Variants in PTP4A2 observed in about 807,000 individuals in gnomAD.
PTP4A2 encodes protein tyrosine phosphatase type IVA 2.
In PTP4A2, 2 loss-of-function variants were observed where a neutral mutation model predicts 22.9. The ratio of observed to expected loss-of-function variants is 0.09; its 90% CI spans 0.04 to 0.27. PTP4A2 has a LOEUF of 0.27. Ranked by LOEUF, PTP4A2 falls within the 10% of genes least tolerant of loss-of-function variation. PTP4A2 has a pLI of 1.00. For missense variants in PTP4A2, 103 were observed against 205.1 expected, an observed-to-expected ratio of 0.50 and a Z score of 3.04; for synonymous variants, 68 against 69.1, an observed-to-expected ratio of 0.98 and a Z score of 0.08.
intron 1 of PTP4A2, among the ~76,000 whole-genome samples, chr1:31,930,608 G>T (rs1180463690): frequency 6.6e-6 from 1 of 152,150 alleles, no homozygotes; most frequent in African/African-American, 2.4e-5. Flanking sequence ...CCCTATAACT[G>T]GGTAAGTTAC....
At chr1:31,933,297 A>G (rs2124271609) in intron 1 of PTP4A2, 1 of 152,172 alleles carries the variant, frequency 6.6e-6, no homozygotes, top group South Asian at 2.1e-4. Context: ...CTTTTCTAAT[A>G]TTTCACAGAT....
chr1:31,909,074 A>T (rs1651393526), intron 5 of PTP4A2, 114 bp from the exon 6 acceptor site: 2 of 739,848 alleles, frequency 2.7e-6, no homozygotes. Flanking sequence ...GAAAACCAGC[A>T]TATTTCCCAT....
intron 4 of PTP4A2, 177 bp from the exon 5 acceptor site, chr1:31,910,289 T>G (rs1651466143): frequency 1.9e-6 from 1 of 531,492 alleles, no homozygotes; most frequent in Non-Finnish European, 3.4e-6. Flanking sequence ...TCTATGATTT[T>G]TTTTTTTGGC....
chr1:31,920,218 C>G (rs1423615769), intron 1 of PTP4A2, among the ~76,000 whole-genome samples: 1 of 148,040 alleles, frequency 6.8e-6, no homozygotes, highest in Non-Finnish European at 1.5e-5. Flanking sequence ...CTGAGGCGGG[C>G]AGATCACCTG....
intron 1 of PTP4A2, among the ~76,000 whole-genome samples, chr1:31,922,825 C>A (rs574614072): frequency 1.3e-5 from 2 of 152,168 alleles, no homozygotes; most frequent in South Asian, 4.1e-4. Flanking sequence ...TTTCACTATG[C>A]TGCCCAGGCT....
chr1:31,927,778 T>G (rs1024803622), intron 1 of PTP4A2, among the ~76,000 whole-genome samples: 1 of 152,180 alleles, frequency 6.6e-6, no homozygotes, highest in Non-Finnish European at 1.5e-5. Context: ...ACAGAACTTG[T>G]GGAGTCCAAC....
At chr1:31,934,513 A>G (rs568690697) in intron 1 of PTP4A2, among the ~76,000 whole-genome samples, 49 of 152,360 alleles carry the variant, frequency 3.2e-4, no homozygotes, top group Admixed American at 2.5e-3. Context: ...CAACCCCCAC[A>G]TTACAACAAA....
chr1:31,934,515 T>G (rs1652853155), intron 1 of PTP4A2, among the ~76,000 whole-genome samples: 1 of 152,200 alleles, frequency 6.6e-6, no homozygotes. Context: ...ACCCCCACAT[T>G]ACAACAAAAA....
At chr1:31,926,895 T>C (rs1438014690) in intron 1 of PTP4A2, among the ~76,000 whole-genome samples, 1 of 152,118 alleles carries the variant, frequency 6.6e-6, no homozygotes, top group Non-Finnish European at 1.5e-5. Flanking sequence ...TGACTTTTTA[T>C]CCAAGAGCTG....
chr1:31,937,329 C>G (rs578238297), intron 1 of PTP4A2, among the ~76,000 whole-genome samples: 10 of 152,224 alleles, frequency 6.6e-5, no homozygotes, highest in Admixed American at 5.2e-4. Flanking sequence ...ACTTATACCC[C>G]CTTTCCTCAT....
intron 2 of PTP4A2, among the ~76,000 whole-genome samples, chr1:31,917,674 G>A (rs372735334): frequency 2.8e-4 from 42 of 152,194 alleles, no homozygotes; most frequent in African/African-American, 1.0e-3. Context: ...ACCCAAGAAT[G>A]ATTAAAAAGC....
chr1:31,911,676 T>TA lies in PTP4A2; in HGVS notation c.320+19dup, dbSNP rs751751667. 1.4e-5 allele frequency: 22 copies of TA among 1,549,194 alleles called. No homozygotes were observed. The African/African-American group carries it at 2.8e-4, about 20-fold the overall frequency. On this transcript the variant is annotated intron_variant, in intron 4 of 5. Coordinates refer to ENST00000647444, the MANE Select transcript of PTP4A2 (RefSeq NM_080391.4). ...TGGTAATGAATTCAGACAAAAAGGG[T>TA]AATAAAGGTAAGAGTTTACCTTCCC...
intron 3 of PTP4A2, among the ~76,000 whole-genome samples, chr1:31,913,461 C>A (rs1651650754): frequency 6.6e-6 from 1 of 152,100 alleles, no homozygotes; most frequent in Non-Finnish European, 1.5e-5. Flanking sequence ...AATGATAGTT[C>A]TACTTTTAGT....
chr1:31,930,602 A>G (rs1271740144), intron 1 of PTP4A2, among the ~76,000 whole-genome samples: 1 of 152,220 alleles, frequency 6.6e-6, no homozygotes, highest in Non-Finnish European at 1.5e-5. Flanking sequence ...AGTTTCCCCT[A>G]TAACTGGGTA....
At chr1:31,925,520 C>T (rs563768915) in intron 1 of PTP4A2, among the ~76,000 whole-genome samples, 6 of 152,166 alleles carry the variant, frequency 3.9e-5, no homozygotes, top group East Asian at 1.9e-4. Context: ...TTTGGGAGGC[C>T]GAGTTGGGCA....
At chr1:31,922,627 TTTCTTTCTTTTA>T (rs1177551087) in intron 1 of PTP4A2, among the ~76,000 whole-genome samples, 4 of 116,882 alleles carry the variant, frequency 3.4e-5, no homozygotes, top group Non-Finnish European at 7.0e-5. Context: ...TCTTTCTTTC[TTTCTTTCTTTTA>T]TTTATTTTGA....
At chr1:31,925,081 T>G (rs1189664005) in intron 1 of PTP4A2, among the ~76,000 whole-genome samples, 1 of 152,162 alleles carries the variant, frequency 6.6e-6, no homozygotes, top group Admixed American at 6.5e-5. Context: ...TCTGGAAGAT[T>G]ACAAAGATAA....
At position 31,907,732 on chromosome 1, in the gene PTP4A2, T is replaced by C. The variant is rs1400542750; in HGVS notation, c.*1120A>G. On this transcript the variant is annotated 3_prime_UTR_variant, in exon 6 of 6. Coordinates refer to ENST00000647444, the MANE Select transcript of PTP4A2 (RefSeq NM_080391.4). ...TTTGACGGTTCCTGAAAATTCAGAG[T>C]ACAAGTCCTAAAATAAAAATTTTAA... The C allele has an allele frequency of 6.6e-6, 1 of 152,030 alleles. No individual in the cohort carries two copies. The highest frequency in any genetic ancestry group is 1.5e-5 in the Non-Finnish European group (1 of 68,016). The allele number at this position is 152,030 out of a possible 1,614,324, so 9.4% of individuals were successfully genotyped here.
At chr1:31,913,809 CTA>C in intron 3 of PTP4A2, 2 of 456,228 alleles carry the variant, frequency 4.4e-6, no homozygotes, top group South Asian at 3.1e-5. Flanking sequence ...CTCAAACAGA[CTA>C]TGGTCAATCC....
Sources: gnomAD v4.1 joint callset for allele counts (sites outside exome capture counted in the v4.1 genomes callset) on GRCh38, gnomAD v4.1.1 for gene constraint, MANE v1.5 for transcripts, NCBI Gene and HGNC (gene_info 2026-07-23, HGNC 2026-07-21) for gene names.